Variants in DHX29 observed in about 807,000 individuals in gnomAD.
DHX29 encodes the protein ATP-dependent RNA helicase DHX29.
A neutral mutation model predicts 167.9 loss-of-function variants in DHX29; 79 were observed. The ratio of observed to expected loss-of-function variants is 0.47; its 90% CI spans 0.39 to 0.57. The LOEUF (loss-of-function observed/expected upper bound fraction) is 0.57. DHX29 is among the 20% of genes least tolerant of loss of function. The probability of loss-of-function intolerance (pLI) is 0.00; values close to 1 mark genes in which losing one functional copy is unlikely to be tolerated. For synonymous variants in DHX29, 530 were observed against 546.0 expected (o/e 0.97, Z 0.41); for missense variants, 1,347 against 1,593.4 (o/e 0.85, Z 2.63).
At chr5:55,265,981 C>T (rs1746542551) in intron 23 of DHX29, among the ~76,000 whole-genome samples, 2 of 151,804 alleles carry the variant, frequency 1.3e-5, no homozygotes, top group Non-Finnish European at 1.5e-5. Context: ...TAGATTCTCT[C>T]CTTTCAACTT....
Position 55,285,698 on chromosome 5 carries a change from A to G in DHX29, c.1230T>C (p.Cys410=), listed in dbSNP as rs1461839238. The change falls in exon 9 of 27, where the codon TGT becomes TGC. Residue 410 remains cysteine (C), a splice_region_variant and synonymous_variant. Transcript: ENST00000251636. The part of the protein sequence containing the change: ...EKVPVGRYWK[C]RVRVIKSEDD... ...AACAACAACAACAAAAAACATACCT[A>G]CATTTCCAGTATCTACCTACTGGAA... The G allele has an allele frequency of 3.9e-6, 6 of 1,557,006 alleles. No individual in the cohort carries two copies. The highest frequency in any genetic ancestry group is 1.4e-5 in the African/African-American group (1 of 72,708).
intron 12 of DHX29, among the ~76,000 whole-genome samples, chr5:55,277,887 C>G (rs1000279984): frequency 3.3e-5 from 4 of 120,604 alleles, no homozygotes; most frequent in Non-Finnish European, 6.4e-5. Context: ...GCCTGGGCGA[C>G]AGAGTAAGAC....
At chr5:55,302,187 G>C (rs931861042) in intron 1 of DHX29, among the ~76,000 whole-genome samples, 2 of 152,154 alleles carry the variant, frequency 1.3e-5, no homozygotes, top group African/African-American at 4.8e-5. Context: ...ATAAAGGAGA[G>C]TATATATTTA....
intron 3 of DHX29, among the ~76,000 whole-genome samples, 183 bp downstream of exon 3, chr5:55,297,102 T>C (rs1006192351): frequency 1.3e-5 from 2 of 152,194 alleles, no homozygotes; most frequent in Non-Finnish European, 2.9e-5. Flanking sequence ...CATATCACCA[T>C]TTTAATGTGT....
rs149222058 is a variant in DHX29 at position 55,289,322 on chromosome 5, T to A, written c.1014A>T (p.Ala338=). ...ATTTTTCAAATAAATTAAAATTCAA[T>A]GCACTTTCTCCTTCTGTGGCTACAG... The part of the protein sequence containing the change: ...KPPVATEGES[A]LNFNLFEKSA... The change falls in exon 8 of 27, where the codon GCA becomes GCT. Residue 338 remains alanine (A), a synonymous_variant. Transcript: ENST00000251636. The A allele has an allele frequency of 5.4e-4, 861 of 1,592,912 alleles. No homozygotes were observed. Among genetic ancestry groups the A allele is most frequent in the Non-Finnish European group, 6.6e-4 (773 of 1,173,846 alleles).
Position 55,295,455 on chromosome 5 carries a change from G to C in DHX29, c.575C>G (p.Ser192Cys). Residue 192 changes from serine to cysteine, a missense_variant, in exon 5 of 27, where the codon TCT becomes TGT. This residue lies in a region of DHX29 where 405 missense variants were observed against 416.8 expected (regional missense o/e 0.97). Coordinates refer to ENST00000251636, the MANE Select transcript of DHX29 (RefSeq NM_019030.4). ...QQPKSRPKFQSPQIQATISPP... is the reference protein window; with the variant it reads ...QQPKSRPKFQCPQIQATISPP... ...TGAAATAGTGGCTTGTATTTGAGGA[G>C]ACTGAAATTTAGGCCTACTTTTAGG... 1 of 1,613,606 alleles carries C rather than the reference G, an allele frequency of 6.2e-7. No individual in the cohort carries two copies. Among genetic ancestry groups the C allele is most frequent in the South Asian group, 1.1e-5 (1 of 91,066 alleles).
rs753842570 is a variant in DHX29 at position 55,270,394 on chromosome 5, G to A, written c.3069+18C>T. ...AAGGGGCGAAGGACAAAATCCATCC[G>A]AGTTCCCTTGAGATTACCATAATAT... On this transcript the variant is annotated intron_variant, in intron 20 of 26. Coordinates refer to ENST00000251636, the MANE Select transcript of DHX29 (RefSeq NM_019030.4). The A allele has an allele frequency of 4.4e-6, 7 of 1,588,886 alleles. No individual in the cohort carries two copies. The highest frequency in any genetic ancestry group is 2.2e-4 in the Middle Eastern group (1 of 4,472).
At chr5:55,276,552 A>T (rs1189320308) in intron 13 of DHX29, 146 bp from the exon 14 acceptor site, 20 of 618,060 alleles carry the variant, frequency 3.2e-5, no homozygotes, top group African/African-American at 9.6e-5. Context: ...ATTATTTGGG[A>T]ATGAAGACTT....
chr5:55,281,369 C>A lies in DHX29; in HGVS notation c.2109+3G>T, dbSNP rs775502087. The A allele has an allele frequency of 6.4e-7, 1 of 1,566,076 alleles. No homozygotes were observed. Among genetic ancestry groups the A allele is most frequent in the South Asian group, 1.2e-5 (1 of 81,734 alleles). On this transcript the variant is annotated splice_donor_region_variant and intron_variant, in intron 12 of 26. Transcript: ENST00000251636. ...TTTGAATACAACTATAGAATCCACT[C>A]ACCTCATCTACAATAACATGAGACA... is the stretch of plus-strand genomic sequence containing the variant.
chr5:55,272,471 G>A (rs1461623783), intron 17 of DHX29, among the ~76,000 whole-genome samples: 1 of 152,132 alleles, frequency 6.6e-6, no homozygotes, highest in East Asian at 1.9e-4. Flanking sequence ...GGTGGCTCAC[G>A]CCTGTAATCC....
chr5:55,286,033 T>C (rs1218536474), intron 8 of DHX29, among the ~76,000 whole-genome samples, 172 bp from the exon 9 acceptor site: 1 of 152,090 alleles, frequency 6.6e-6, no homozygotes, highest in Non-Finnish European at 1.5e-5. Flanking sequence ...GGCGGGTAGA[T>C]CACGAAGTCA....
At position 55,281,501 on chromosome 5, in the gene DHX29, T is replaced by A; in HGVS notation, c.1980A>T (p.Gly660=). Reference sequence around the variant, plus strand: ...CTCGAGATTCCATCCGGATCTGATATCCACACAAGGAATTCTAAAGGGAGA... The same window carrying A: ...CTCGAGATTCCATCCGGATCTGATAACCACACAAGGAATTCTAAAGGGAGA... ...NGPGGRNSLC[G]YQIRMESRAC... Residue 660 remains glycine (G), a synonymous_variant, in exon 12 of 27, where the codon GGA becomes GGT. Coordinates refer to ENST00000251636, the MANE Select transcript of DHX29 (RefSeq NM_019030.4). The A allele has an allele frequency of 6.3e-7, 1 of 1,591,920 alleles. No homozygotes were observed. Among genetic ancestry groups the A allele is most frequent in the Non-Finnish European group, 8.5e-7 (1 of 1,169,758 alleles).
chr5:55,271,938 T>C (rs1053376781), intron 18 of DHX29, 149 bp downstream of exon 18: 1 of 468,208 alleles, frequency 2.1e-6, no homozygotes, highest in Non-Finnish European at 3.8e-6. Context: ...ATTTTAAAGT[T>C]TCCTATAGTT....
Position 55,272,993 on chromosome 5 carries a change from CCTTCTTGGGAAAAAGTTGTGA to C in DHX29, c.2775+279_2775+299del, listed in dbSNP as rs372581835. 1.3e-3 allele frequency among the ~76,000 whole-genome samples: 203 copies of C among 152,252 alleles called. 2 individuals carry two copies. The Middle Eastern group carries it at 0.024, about 18-fold the overall frequency. ...TAAATATCCAATCTCCTTTGTGATG[CCTTCTTGGGAAAAAGTTGTGA>C]CTTTTTTTCCTCAACAGGCAACATC... is the stretch of plus-strand genomic sequence containing the variant. On this transcript the variant is annotated intron_variant, in intron 17 of 26. Transcript: ENST00000251636.
At chr5:55,263,239 C>T (rs547254190) in intron 23 of DHX29, among the ~76,000 whole-genome samples, 1 of 152,096 alleles carries the variant, frequency 6.6e-6, no homozygotes, top group Non-Finnish European at 1.5e-5. Flanking sequence ...AGTAGCTCTC[C>T]TTTTTCTCTG....
Position 55,261,428 on chromosome 5 carries a change from A to G in DHX29, c.3900T>C (p.Gly1300=), listed in dbSNP as rs771324303. The stretch of plus-strand genomic sequence containing the variant: ...GTTCTCGGTGCTGAACTTCTATATC[A>G]CCACCAAAAAGTAAAACTGGAAAAG... ...ITPFPVLLFG[G]DIEVQHRERL... Residue 1300 remains glycine, a synonymous_variant, in exon 25 of 27, where the codon GGT becomes GGC. Coordinates refer to ENST00000251636, the MANE Select transcript of DHX29 (RefSeq NM_019030.4). The G allele has an allele frequency of 8.2e-6, 13 of 1,575,946 alleles. No individual in the cohort carries two copies. In the East Asian group the frequency reaches 1.8e-4, roughly 22 times the overall value.
chr5:55,266,022 C>T (rs939358944), intron 23 of DHX29, among the ~76,000 whole-genome samples: 10 of 150,200 alleles, frequency 6.7e-5, no homozygotes, highest in South Asian at 2.1e-4. Context: ...TTTTTTGAGA[C>T]GGAGTCTCGT....
chr5:55,304,938 G>A (rs1173898059), intron 1 of DHX29, among the ~76,000 whole-genome samples: 1 of 152,094 alleles, frequency 6.6e-6, no homozygotes, highest in African/African-American at 2.4e-5. Context: ...TATATTAAAA[G>A]CACCCTAAAA....
rs1379480657 is a variant in DHX29 at position 55,283,575 on chromosome 5, C to T, written c.1593G>A (p.Glu531=). 2 of 1,614,012 alleles carry T rather than the reference C, an allele frequency of 1.2e-6. No individual in the cohort carries two copies. The highest frequency in any genetic ancestry group is 1.7e-6 in the Non-Finnish European group (2 of 1,180,030). The change falls in exon 11 of 27, where the codon GAG becomes GAA. Residue 531 remains glutamate, a synonymous_variant. Coordinates refer to ENST00000251636, the MANE Select transcript of DHX29 (RefSeq NM_019030.4). ...ATTCCAAGGACAGTGCAGAAAAATC[C>T]TCATCCGAAACTAAATTTTCCCAAG... ...EESWENLVSD[E]DFSALSLESA...
Sources: gnomAD v4.1 joint callset for allele counts (sites outside exome capture counted in the v4.1 genomes callset) on GRCh38, gnomAD v4.1.1 for gene constraint, gnomAD v4.1.1 regional missense constraint, MANE v1.5 for transcripts, NCBI Gene and HGNC (gene_info 2026-07-23, HGNC 2026-07-21) for gene names.